TLK1: variants seen among roughly 807,000 people sequenced by gnomAD.
TLK1 encodes the protein serine/threonine-protein kinase tousled-like 1.
Under a neutral mutation model 105.3 loss-of-function variants are expected in TLK1, and 24 were observed. That is an observed-to-expected ratio of 0.23 (90% CI 0.17 to 0.32). The LOEUF is 0.32. Ranked by LOEUF, TLK1 falls within the 10% of genes least tolerant of loss-of-function variation. TLK1 has a pLI of 1.00. For synonymous variants in TLK1, 321 were observed against 310.4 expected (o/e 1.03, Z -0.36); for missense variants, 558 against 910.5 (o/e 0.61, Z 4.98).
intron 1 of TLK1, among the ~76,000 whole-genome samples, chr2:171,126,013 A>T (rs1690851593): frequency 6.6e-6 from 1 of 152,192 alleles, no homozygotes; most frequent in Non-Finnish European, 1.5e-5. Context: ...ACTATAATCC[A>T]TCAAATTCTT....
chr2:171,106,076 T>G (rs1689911803), intron 2 of TLK1, among the ~76,000 whole-genome samples: 1 of 152,202 alleles, frequency 6.6e-6, no homozygotes, highest in Non-Finnish European at 1.5e-5. Context: ...TGGAGGACAT[T>G]GTTAAGTGAA....
At chr2:171,018,558 A>C (rs921078195) in intron 12 of TLK1, among the ~76,000 whole-genome samples, 3 of 152,226 alleles carry the variant, frequency 2.0e-5, no homozygotes, top group Admixed American at 1.3e-4. Context: ...GGCCATCCTC[A>C]GAAATAATCT....
At chr2:171,049,116 G>A (rs1202326046) in intron 10 of TLK1, among the ~76,000 whole-genome samples, 1 of 152,128 alleles carries the variant, frequency 6.6e-6, no homozygotes, top group Non-Finnish European at 1.5e-5. Context: ...GATAGAAACT[G>A]GGGGCTACAA....
chr2:171,094,473 G>GT (rs1280306267), intron 2 of TLK1, among the ~76,000 whole-genome samples: 1 of 152,054 alleles, frequency 6.6e-6, no homozygotes, highest in Non-Finnish European at 1.5e-5. Flanking sequence ...ATCAAAAATA[G>GT]TATCTATAAA....
chr2:171,059,869 CT>C, intron 4 of TLK1: 1 of 899,816 alleles, frequency 1.1e-6, no homozygotes, highest in Non-Finnish European at 1.9e-6. Context: ...AACGCTGCCG[CT>C]GATCTGACAG....
At chr2:171,068,307 C>G (rs1454883308) in intron 3 of TLK1, among the ~76,000 whole-genome samples, 1 of 151,882 alleles carries the variant, frequency 6.6e-6, no homozygotes, top group East Asian at 1.9e-4. Flanking sequence ...CCAGCCTGGG[C>G]AACAAGAGCA....
chr2:171,212,816 A>G (rs531238293), intron 1 of TLK1, among the ~76,000 whole-genome samples: 1 of 152,292 alleles, frequency 6.6e-6, no homozygotes, highest in Non-Finnish European at 1.5e-5. Flanking sequence ...TGAGCTTCCT[A>G]TGATTGTACA....
intron 1 of TLK1, among the ~76,000 whole-genome samples, chr2:171,154,175 T>C (rs776182851): frequency 6.6e-6 from 1 of 151,944 alleles, no homozygotes; most frequent in Admixed American, 6.6e-5. Context: ...GCCTGAGACA[T>C]AGCACCTCGC....
At chr2:171,201,565 G>T (rs565014631) in intron 1 of TLK1, among the ~76,000 whole-genome samples, 1 of 152,254 alleles carries the variant, frequency 6.6e-6, no homozygotes, top group Admixed American at 6.5e-5. Flanking sequence ...TACTATTTAG[G>T]TTTTCATTTA....
At position 171,082,762 on chromosome 2, in the gene TLK1, T is replaced by C; in HGVS notation, c.330+19A>G. ...AGCTTTTACTTTAATAGCACCATAT[T>C]TAAAATGAAATTACTTACCTCTGAT... On this transcript the variant is annotated intron_variant, in intron 3 of 20. Coordinates refer to ENST00000431350, the MANE Select transcript of TLK1 (RefSeq NM_012290.5). 1 of 1,565,004 alleles carries C rather than the reference T, an allele frequency of 6.4e-7. No individual in the cohort carries two copies. The highest frequency in any genetic ancestry group is 8.7e-7 in the Non-Finnish European group (1 of 1,144,808).
chr2:171,148,911 A>ATATATGTG (rs1408462467), intron 1 of TLK1, among the ~76,000 whole-genome samples: 4 of 134,240 alleles, frequency 3.0e-5, no homozygotes, highest in African/African-American at 1.2e-4. Context: ...ATATATATAT[A>ATATATGTG]TGTGTGTGTG....
intron 1 of TLK1, among the ~76,000 whole-genome samples, chr2:171,148,474 G>C (rs768340290): frequency 6.6e-6 from 1 of 152,010 alleles, no homozygotes; most frequent in African/African-American, 2.4e-5. Flanking sequence ...TTGAGAGAAA[G>C]GCGAGACAAA....
chr2:170,993,808 G>C lies in TLK1; in HGVS notation c.2273C>G (p.Pro758Arg), dbSNP rs1157641075. 6.2e-7 allele frequency: 1 copy of C among 1,608,006 alleles called. No homozygotes were observed. The highest frequency in any genetic ancestry group is 8.5e-7 in the Non-Finnish European group (1 of 1,177,162). ...GTAAGTAATTATGCTTGAAGAAGGG[G>C]GTGTAGGGGATGCTGTCAGCCCAGC... ...HMAGLTASPT[P>R]PSSSIITY Residue 758 changes from proline to arginine, a missense_variant, in exon 21 of 21, where the codon CCC (proline) becomes CGC (arginine). This residue lies in a region of TLK1 where 27 missense variants were observed against 22.5 expected (regional missense o/e 1.20). Transcript: ENST00000431350.
At chr2:171,041,398 A>C (rs945137166) in intron 11 of TLK1, among the ~76,000 whole-genome samples, 1 of 152,198 alleles carries the variant, frequency 6.6e-6, no homozygotes, top group African/African-American at 2.4e-5. Context: ...TACAGAACCT[A>C]AAGTCCTACC....
At chr2:171,212,736 T>C (rs924600287) in intron 1 of TLK1, among the ~76,000 whole-genome samples, 2 of 152,194 alleles carry the variant, frequency 1.3e-5, no homozygotes, top group African/African-American at 4.8e-5. Context: ...TACTTAGTGA[T>C]GAGAGCTTGC....
At position 171,016,480 on chromosome 2, in the gene TLK1, C is replaced by T. The variant is rs544974127; in HGVS notation, c.1237-1532G>A. On this transcript the variant is annotated intron_variant, in intron 12 of 20. Transcript: ENST00000431350. ...TTTTGAAGTAAAGAAATACAGATCA[C>T]CTTGGCCTAATGTGTACCCACTAGA... Among the ~76,000 whole-genome samples the T allele has an allele frequency of 7.9e-5, 12 of 152,260 alleles. No individual in the cohort carries two copies. In the South Asian group the frequency reaches 8.3e-4, roughly 11 times the overall value.
chr2:171,166,713 C>A (rs1293764817), intron 1 of TLK1, among the ~76,000 whole-genome samples: 1 of 152,174 alleles, frequency 6.6e-6, no homozygotes, highest in Non-Finnish European at 1.5e-5. Flanking sequence ...CTGGCAGTTC[C>A]GTTCCAAAGA....
intron 1 of TLK1, among the ~76,000 whole-genome samples, chr2:171,187,976 G>A (rs1209723323): frequency 1.3e-5 from 2 of 152,186 alleles, no homozygotes; most frequent in Non-Finnish European, 2.9e-5. Context: ...GACAGATTAT[G>A]AACTCTGGAC....
chr2:171,086,685 A>T (rs1223955480), intron 2 of TLK1, among the ~76,000 whole-genome samples: 1 of 151,954 alleles, frequency 6.6e-6, no homozygotes, highest in Non-Finnish European at 1.5e-5. Context: ...AAGGGAATAG[A>T]TCTGGGTAGG....
Sources: gnomAD v4.1 joint callset for allele counts (sites outside exome capture counted in the v4.1 genomes callset) on GRCh38, gnomAD v4.1.1 for gene constraint, gnomAD v4.1.1 regional missense constraint, MANE v1.5 for transcripts, NCBI Gene and HGNC (gene_info 2026-07-23, HGNC 2026-07-21) for gene names.